RGS7: variants seen among roughly 807,000 people sequenced by gnomAD.
The protein encoded by RGS7 is regulator of G protein signaling 7, also known as regulator of G-protein signaling 7.
In RGS7, 27 loss-of-function variants were observed where a neutral mutation model predicts 81.1. That is an observed-to-expected ratio of 0.33 (90% CI 0.25 to 0.46). The LOEUF is 0.46. Among genes scored for constraint, RGS7 ranks in the 20% least tolerant of loss-of-function variants. The pLI, the probability that RGS7 is intolerant of heterozygous loss-of-function variation, is 1.00. For missense variants in RGS7, 396 were observed against 607.4 expected (o/e 0.65, Z 3.66); for synonymous variants, 208 against 207.7 (o/e 1.00, Z -0.01).
At chr1:240,803,259 G>A (rs1454980234) in intron 15 of RGS7, among the ~76,000 whole-genome samples, 2 of 152,064 alleles carry the variant, frequency 1.3e-5, no homozygotes, top group South Asian at 2.1e-4. Context: ...TTAATAAAAT[G>A]TCATAAAATT....
intron 2 of RGS7, among the ~76,000 whole-genome samples, chr1:241,327,206 T>C (rs1243175939): frequency 6.6e-6 from 1 of 150,990 alleles, no homozygotes; most frequent in Admixed American, 6.6e-5. Context: ...AGGTAGGTAA[T>C]TAGAAATTAG....
intron 14 of RGS7, among the ~76,000 whole-genome samples, chr1:240,809,390 G>C (rs1237279251): frequency 6.6e-6 from 1 of 152,154 alleles, no homozygotes; most frequent in African/African-American, 2.4e-5. Flanking sequence ...GATGCACGGA[G>C]AGTTATTTTA....
At chr1:241,021,773 C>T (rs998223122) in intron 3 of RGS7, among the ~76,000 whole-genome samples, 2 of 152,122 alleles carry the variant, frequency 1.3e-5, no homozygotes, top group African/African-American at 4.8e-5. Context: ...TTATAAAAAC[C>T]TATTTACTTA....
rs191655137 is a variant in RGS7 at position 241,142,937 on chromosome 1, G to C, written c.79-44175C>G. On this transcript the variant is annotated intron_variant, in intron 2 of 18. Coordinates refer to ENST00000440928, the MANE Select transcript of RGS7 (RefSeq NM_001364886.1). ...CATCTCTTGAATGGTTTGCTACTTAGAAATTTCTTCCGCCAGATACCCTAA... is the reference window on the plus strand; with the variant it reads ...CATCTCTTGAATGGTTTGCTACTTACAAATTTCTTCCGCCAGATACCCTAA... Among the ~76,000 whole-genome samples, 462 of 152,268 alleles carry C rather than the reference G, an allele frequency of 3.0e-3. 6 individuals carry two copies. The highest frequency in any genetic ancestry group is 0.01 in the African/African-American group (430 of 41,552).
intron 3 of RGS7, among the ~76,000 whole-genome samples, chr1:241,030,464 A>C (rs6673520): frequency 6.9e-6 from 1 of 143,898 alleles, no homozygotes; most frequent in African/African-American, 2.6e-5. Context: ...CACATATACA[A>C]ACATATATGC....
intron 2 of RGS7, among the ~76,000 whole-genome samples, chr1:241,110,018 CGTTAA>C (rs2065403480): frequency 3.3e-5 from 5 of 152,038 alleles, no homozygotes. Context: ...AAATATTAAA[CGTTAA>C]GTTCTTTATT....
intron 6 of RGS7, among the ~76,000 whole-genome samples, chr1:240,926,501 A>T (rs907338798): frequency 3.3e-5 from 5 of 152,174 alleles, no homozygotes; most frequent in South Asian, 4.1e-4. Context: ...TAGTTTATGT[A>T]TCTGTTTTGT....
At chr1:241,105,521 T>C (rs997906127) in intron 2 of RGS7, among the ~76,000 whole-genome samples, 1 of 152,022 alleles carries the variant, frequency 6.6e-6, no homozygotes, top group Non-Finnish European at 1.5e-5. Flanking sequence ...TTGAAGAGAG[T>C]TACTAATTAT....
At chr1:240,920,275 GT>G in intron 6 of RGS7, 3 of 1,317,848 alleles carry the variant, frequency 2.3e-6, no homozygotes, top group Non-Finnish European at 2.2e-6. Flanking sequence ...CGTGGTGGTG[GT>G]TTTGGTGGGA....
intron 15 of RGS7, among the ~76,000 whole-genome samples, chr1:240,805,223 A>AT (rs1469823100): frequency 2.0e-5 from 3 of 151,510 alleles, no homozygotes; most frequent in Non-Finnish European, 2.9e-5. Flanking sequence ...TACAAAAAAA[A>AT]ATAAAAAAAA....
chr1:240,972,724 C>T (rs199560330), intron 4 of RGS7, among the ~76,000 whole-genome samples: 1 of 55,152 alleles, frequency 1.8e-5, no homozygotes, highest in African/African-American at 4.6e-5. Flanking sequence ...AAAAAAAAAC[C>T]CAAAAAGGTG....
intron 2 of RGS7, among the ~76,000 whole-genome samples, chr1:241,214,127 A>G (rs1044838571): frequency 6.6e-6 from 1 of 152,082 alleles, no homozygotes; most frequent in African/African-American, 2.4e-5. Context: ...TCTCCAGTAG[A>G]TCTAATTTTC....
intron 2 of RGS7, among the ~76,000 whole-genome samples, chr1:241,191,767 G>C (rs1314438523): frequency 1.3e-5 from 2 of 152,156 alleles, no homozygotes; most frequent in African/African-American, 2.4e-5. Context: ...ATAAATTTAA[G>C]TTCCTTAATA....
intron 2 of RGS7, among the ~76,000 whole-genome samples, chr1:241,206,801 C>G (rs1294478393): frequency 6.6e-6 from 1 of 152,042 alleles, no homozygotes; most frequent in Non-Finnish European, 1.5e-5. Context: ...AATGTCACCC[C>G]CTTAGGCCAT....
At position 241,043,375 on chromosome 1, in the gene RGS7, T is replaced by C. The variant is rs971578681; in HGVS notation, c.175+55291A>G. Among the ~76,000 whole-genome samples the C allele has an allele frequency of 2.6e-5, 4 of 151,846 alleles. No individual in the cohort carries two copies. In the East Asian group the frequency reaches 7.7e-4, roughly 29 times the overall value. On this transcript the variant is annotated intron_variant, in intron 3 of 18. Coordinates refer to ENST00000440928, the MANE Select transcript of RGS7 (RefSeq NM_001364886.1). Reference sequence around the variant, plus strand: ...AAGTCTGGATCCAGGCTAATTTTTTTCTCTATGATATTGTTGACCCTATAT... The same window carrying C: ...AAGTCTGGATCCAGGCTAATTTTTTCCTCTATGATATTGTTGACCCTATAT...
chr1:241,236,709 T>G (rs1227582889), intron 2 of RGS7, among the ~76,000 whole-genome samples: 3 of 152,134 alleles, frequency 2.0e-5, no homozygotes, highest in Non-Finnish European at 4.4e-5. Flanking sequence ...CACACCCAAG[T>G]TCGATAAAGA....
In RGS7 at chr1:240,806,344, T is replaced by A. The variant is rs1455797651; in HGVS notation, c.1083-18A>T. On this transcript the variant is annotated intron_variant, in intron 14 of 18. Coordinates refer to ENST00000440928, the MANE Select transcript of RGS7 (RefSeq NM_001364886.1). ...GCCAGAATCTATGCAGAATGTGAGA[T>A]CGGGTGTTTACTCTGATGGCCCATC... 1 of 1,613,074 alleles carries A rather than the reference T, an allele frequency of 6.2e-7. No individual in the cohort carries two copies.
At chr1:241,307,661 G>A (rs999691166) in intron 2 of RGS7, among the ~76,000 whole-genome samples, 1 of 152,040 alleles carries the variant, frequency 6.6e-6, no homozygotes, top group African/African-American at 2.4e-5. Context: ...TATAAATCAG[G>A]TCAACACACG....
chr1:241,009,783 G>A (rs1388088588), intron 3 of RGS7, among the ~76,000 whole-genome samples: 2 of 152,164 alleles, frequency 1.3e-5, no homozygotes, highest in Admixed American at 1.3e-4. Flanking sequence ...TCAACAATGA[G>A]GGACAAACTA....
Sources: gnomAD v4.1 joint callset for allele counts (sites outside exome capture counted in the v4.1 genomes callset) on GRCh38, gnomAD v4.1.1 for gene constraint, MANE v1.5 for transcripts, NCBI Gene and HGNC (gene_info 2026-07-23, HGNC 2026-07-21) for gene names.